MAPK10: variants seen among roughly 807,000 people sequenced by gnomAD.
The protein encoded by MAPK10 is JNK3 alpha protein kinase.
Under a neutral mutation model 59.3 loss-of-function variants are expected in MAPK10, and 25 were observed. The observed-to-expected ratio is 0.42, with a 90% CI of 0.31 to 0.59. The LOEUF (loss-of-function observed/expected upper bound fraction) is 0.59. Among genes scored for constraint, MAPK10 ranks in the 20% least tolerant of loss-of-function variants. The probability of loss-of-function intolerance (pLI) is 0.15; values close to 1 mark genes in which losing one functional copy is unlikely to be tolerated. For missense variants in MAPK10, 351 were observed against 568.9 expected (o/e 0.62, Z 3.90); for synonymous variants, 190 against 200.5 (o/e 0.95, Z 0.44).
At position 86,372,567 on chromosome 4, in the gene MAPK10, A is replaced by AGAAAGAAAGAAAGGAAG. The variant is rs1554253760; in HGVS notation, c.-121-17924_-121-17923insCTTCCTTTCTTTCTTTC. Among the ~76,000 whole-genome samples, 5 of 132,936 alleles carry AGAAAGAAAGAAAGGAAG rather than the reference A, an allele frequency of 3.8e-5. No homozygotes were observed. The East Asian group carries it at 1.1e-3, about 30-fold the overall frequency. The allele number at this position is 132,936 out of a possible 152,430, so 87.2% of individuals were successfully genotyped here. On this transcript the variant is annotated intron_variant, in intron 1 of 13. Transcript: ENST00000361569. ...AAGAAAGAAAGAAAGAAAGAAAGAAAGAAAAGAAAAGAAAAGAAAAGAAAA... is the reference window on the plus strand; with the variant it reads ...AAGAAAGAAAGAAAGAAAGAAAGAAAGAAAGAAAGAAAGGAAGGAAAAGAAAAGAAAAGAAAAGAAAA...
intron 11 of MAPK10, among the ~76,000 whole-genome samples, chr4:86,040,283 A>G (rs2041249474): frequency 6.6e-6 from 1 of 152,124 alleles, no homozygotes; most frequent in Non-Finnish European, 1.5e-5. Flanking sequence ...CAAGAAAACA[A>G]TAAATAAAAC....
At chr4:86,542,789 C>G (rs997794713) in intron 1 of MAPK10, among the ~76,000 whole-genome samples, 2 of 152,120 alleles carry the variant, frequency 1.3e-5, no homozygotes, top group Non-Finnish European at 2.9e-5. Context: ...GCTTGCTTTG[C>G]TTTTGAGACT....
chr4:86,356,712 C>T (rs1734690595), intron 1 of MAPK10: 1 of 152,186 alleles, frequency 6.6e-6, no homozygotes, highest in African/African-American at 2.4e-5. Context: ...ATTTTTTAAA[C>T]AATCAATATG....
At chr4:86,187,292 A>G (rs2078480927) in intron 3 of MAPK10, among the ~76,000 whole-genome samples, 1 of 152,188 alleles carries the variant, frequency 6.6e-6, no homozygotes, top group Non-Finnish European at 1.5e-5. Context: ...AAGTAAAATA[A>G]AAGTTACTTG....
chr4:86,299,922 T>C (rs1227671482), intron 2 of MAPK10, among the ~76,000 whole-genome samples: 1 of 152,138 alleles, frequency 6.6e-6, no homozygotes, highest in Non-Finnish European at 1.5e-5. Flanking sequence ...AGATAGAGTC[T>C]TGCTCTGTCT....
intron 9 of MAPK10, among the ~76,000 whole-genome samples, chr4:86,070,716 T>C (rs2149001214): frequency 6.6e-6 from 1 of 151,290 alleles, no homozygotes; most frequent in South Asian, 2.1e-4. Context: ...ACAAAGGACA[T>C]GAACTCATCA....
chr4:86,134,845 A>G (rs1285696670), intron 4 of MAPK10, among the ~76,000 whole-genome samples: 2 of 152,216 alleles, frequency 1.3e-5, no homozygotes, highest in Non-Finnish European at 2.9e-5. Flanking sequence ...GCACGAGCCG[A>G]AGCAGGGCGA....
chr4:86,326,606 C>G (rs1361982416), intron 2 of MAPK10: 1 of 152,104 alleles, frequency 6.6e-6, no homozygotes, highest in East Asian at 1.9e-4. Context: ...GTAATATACC[C>G]CTGGAGTCAT....
At chr4:86,064,511 A>C in intron 10 of MAPK10, 121 bp from the exon 11 acceptor site, 1 of 902,684 alleles carries the variant, frequency 1.1e-6, no homozygotes, top group Non-Finnish European at 1.7e-6. Context: ...CATCAGGTAA[A>C]TCCCTTGATG....
intron 2 of MAPK10, among the ~76,000 whole-genome samples, chr4:86,257,074 T>G: frequency 6.6e-6 from 1 of 152,306 alleles, no homozygotes; most frequent in East Asian, 1.9e-4. Flanking sequence ...TCTCAATTCC[T>G]CTGTCTTTCC....
At chr4:86,548,104 C>T (rs1295294872) in intron 1 of MAPK10, among the ~76,000 whole-genome samples, 1 of 152,160 alleles carries the variant, frequency 6.6e-6, no homozygotes, top group Non-Finnish European at 1.5e-5. Context: ...CTGCTGCTCA[C>T]TGCTTGGGTC....
chr4:86,174,724 C>A (rs1399598091), intron 3 of MAPK10, among the ~76,000 whole-genome samples: 3 of 152,114 alleles, frequency 2.0e-5, no homozygotes, highest in Non-Finnish European at 2.9e-5. Flanking sequence ...TAGAGGACAA[C>A]CCTTGCTCAC....
At chr4:86,371,492 C>T (rs549088473) in intron 1 of MAPK10, among the ~76,000 whole-genome samples, 3 of 152,166 alleles carry the variant, frequency 2.0e-5, no homozygotes, top group Admixed American at 6.5e-5. Flanking sequence ...CACAAATGAC[C>T]GCCATGGGTC....
intron 1 of MAPK10, among the ~76,000 whole-genome samples, chr4:86,413,047 C>A (rs1305747390): frequency 3.9e-5 from 6 of 152,188 alleles, no homozygotes; most frequent in Non-Finnish European, 7.3e-5. Context: ...GTTTTATCTA[C>A]TTTTGGTCTT....
intron 2 of MAPK10, among the ~76,000 whole-genome samples, chr4:86,249,929 T>C (rs548532582): frequency 6.6e-6 from 1 of 152,176 alleles, no homozygotes; most frequent in Admixed American, 6.5e-5. Flanking sequence ...AGAACCATCC[T>C]GAGAATGGGA....
At chr4:86,531,037 G>A (rs1360705325) in intron 1 of MAPK10, among the ~76,000 whole-genome samples, 1 of 152,168 alleles carries the variant, frequency 6.6e-6, no homozygotes, top group African/African-American at 2.4e-5. Flanking sequence ...CATAGCAAAA[G>A]TGGGGAGCTG....
chr4:86,143,704 C>T (rs1285473607), intron 4 of MAPK10, among the ~76,000 whole-genome samples: 2 of 152,134 alleles, frequency 1.3e-5, no homozygotes, highest in Admixed American at 6.6e-5. Context: ...ATATTAAGTG[C>T]TTCATTAAAA....
intron 11 of MAPK10, among the ~76,000 whole-genome samples, chr4:86,050,792 G>A (rs1416253078): frequency 6.6e-6 from 1 of 151,952 alleles, no homozygotes; most frequent in East Asian, 1.9e-4. Context: ...AAAAAGAAGT[G>A]GTAACAGATT....
chr4:86,470,891 T>C (rs755114183), intron 1 of MAPK10, among the ~76,000 whole-genome samples: 31 of 152,170 alleles, frequency 2.0e-4, no homozygotes, highest in Non-Finnish European at 3.8e-4. Flanking sequence ...ATCAAGAAAT[T>C]AAGATTAGTA....
Sources: gnomAD v4.1 joint callset for allele counts (sites outside exome capture counted in the v4.1 genomes callset) on GRCh38, gnomAD v4.1.1 for gene constraint, MANE v1.5 for transcripts, NCBI Gene and HGNC (gene_info 2026-07-23, HGNC 2026-07-21) for gene names.